The following MYO3B variants were observed in gnomAD, a reference collection of about 807,000 sequenced individuals.
MYO3B encodes the protein myosin IIIB.
Under a neutral mutation model 174.6 loss-of-function variants are expected in MYO3B, and 156 were observed. That is an observed-to-expected ratio of 0.89 (90% CI 0.78 to 1.02). MYO3B has a LOEUF of 1.02. Ranked by LOEUF, MYO3B falls within the 50% of genes least tolerant of loss-of-function variation. MYO3B has a pLI of 0.00. For missense variants in MYO3B, 1,632 were observed against 1,639.4 expected (o/e 1.00, Z 0.08); for synonymous variants, 563 against 569.1 (o/e 0.99, Z 0.15).
chr2:170,548,259 A>G lies in MYO3B; in HGVS notation c.3733+4271A>G, dbSNP rs541416068. Reference sequence around the variant, plus strand: ...CTGGAGGAGAGAATGTGAATGGACTATATGAAGAGTAGAAGTCCCTGTATT... The same window carrying G: ...CTGGAGGAGAGAATGTGAATGGACTGTATGAAGAGTAGAAGTCCCTGTATT... On this transcript the variant is annotated intron_variant, in intron 32 of 34. Transcript: ENST00000408978. Among the ~76,000 whole-genome samples the G allele has an allele frequency of 3.9e-5, 6 of 152,292 alleles. No individual in the cohort carries two copies. In the South Asian group the frequency reaches 1.2e-3, roughly 32 times the overall value.
At chr2:170,360,819 C>T (rs762848400) in intron 8 of MYO3B, among the ~76,000 whole-genome samples, 4 of 152,234 alleles carry the variant, frequency 2.6e-5, no homozygotes, top group South Asian at 2.1e-4. Context: ...CACAGCATTC[C>T]TCTCCTCTGA....
chr2:170,532,743 G>C (rs1689434607), intron 30 of MYO3B, among the ~76,000 whole-genome samples: 1 of 150,844 alleles, frequency 6.6e-6, no homozygotes. Context: ...TTGAACCTGG[G>C]AGGTGGGGGT....
chr2:170,467,957 G>A (rs1684749492), intron 25 of MYO3B, among the ~76,000 whole-genome samples: 1 of 151,274 alleles, frequency 6.6e-6, no homozygotes, highest in Admixed American at 6.6e-5. Context: ...TTTAGCACAT[G>A]AATTTGACTA....
chr2:170,401,802 C>CTTTT (rs769531863), intron 18 of MYO3B, 111 bp downstream of exon 18: 9,607 of 691,658 alleles, frequency 0.014, 7 homozygotes, highest in Middle Eastern at 0.02. Flanking sequence ...CTTTCTTTTT[C>CTTTT]TTTTTTTTTT....
intron 6 of MYO3B, 96 bp from the exon 7 acceptor site, chr2:170,235,895 A>C: frequency 1.3e-6 from 2 of 1,503,128 alleles, no homozygotes. Flanking sequence ...CGTGGCCAAG[A>C]AAACTGAGAA....
chr2:170,519,655 G>A, intron 30 of MYO3B, 115 bp downstream of exon 30: 1 of 922,152 alleles, frequency 1.1e-6, no homozygotes, highest in Non-Finnish European at 1.7e-6. Context: ...GTATTTTGGT[G>A]AACTGGAGAG....
chr2:170,405,815 A>G (rs961640389), intron 21 of MYO3B, among the ~76,000 whole-genome samples, 182 bp downstream of exon 21: 4 of 152,238 alleles, frequency 2.6e-5, no homozygotes, highest in African/African-American at 7.2e-5. Context: ...TGCCCCTGGC[A>G]TAGAAGCAAT....
intron 28 of MYO3B, among the ~76,000 whole-genome samples, chr2:170,507,527 G>A (rs2106104552): frequency 1.3e-5 from 2 of 152,066 alleles, no homozygotes; most frequent in East Asian, 3.9e-4. Flanking sequence ...AGCCTCCCAA[G>A]TAGCTAGGAT....
intron 8 of MYO3B, chr2:170,345,086 T>A (rs976414929): frequency 7.2e-5 from 11 of 152,230 alleles, no homozygotes; most frequent in Non-Finnish European, 1.3e-4. Flanking sequence ...CTCTGCTGCT[T>A]CCACTGTGGC....
chr2:170,289,787 G>T (rs2093583678), intron 7 of MYO3B, among the ~76,000 whole-genome samples: 1 of 151,852 alleles, frequency 6.6e-6, no homozygotes, highest in African/African-American at 2.4e-5. Flanking sequence ...GGTGTCATTA[G>T]GTTGTTTATT....
Position 170,214,492 on chromosome 2 carries a change from A to T in MYO3B, c.426+9A>T. On this transcript the variant is annotated intron_variant, in intron 4 of 34. Transcript: ENST00000408978. ...TGTACGGGGCCCTCTTGGTAAGAAC[A>T]TCTATCAAATGGGGTATGACAGCAG... 6.2e-7 allele frequency: 1 copy of T among 1,611,466 alleles called. No individual in the cohort carries two copies. The highest frequency in any genetic ancestry group is 1.3e-5 in the African/African-American group (1 of 74,980).
chr2:170,248,968 T>C (rs1274885562), intron 7 of MYO3B, among the ~76,000 whole-genome samples: 2 of 152,246 alleles, frequency 1.3e-5, no homozygotes, highest in Non-Finnish European at 2.9e-5. Context: ...CATAGCCATT[T>C]TGAGCTATCA....
rs1343089653 is a variant in MYO3B, at chr2:170,199,330, A to C, written c.125A>C (p.Tyr42Ser). Residue 42 changes from tyrosine (Y) to serine (S), a missense_variant, in exon 2 of 35, where the codon TAC (tyrosine) becomes TCC (serine). Tyr to Ser is a moderately radical substitution (Grantham distance 144). Coordinates refer to ENST00000408978, the MANE Select transcript of MYO3B (RefSeq NM_138995.5). ...GGTAAAGGCACCTATGGCAAAGTCT[A>C]CAAGGTAACTAACAAGAGAGATGGG... ...TIGKGTYGKVYKVTNKRDGSL... is the reference protein window; with the variant it reads ...TIGKGTYGKVSKVTNKRDGSL... 18 of 1,613,436 alleles carry C rather than the reference A, an allele frequency of 1.1e-5. No individual in the cohort carries two copies. Among genetic ancestry groups the C allele is most frequent in the Non-Finnish European group, 1.4e-5 (16 of 1,179,694 alleles).
At chr2:170,546,873 G>A (rs1690527793) in intron 32 of MYO3B, among the ~76,000 whole-genome samples, 1 of 152,084 alleles carries the variant, frequency 6.6e-6, no homozygotes. Context: ...TTGCAGTGAG[G>A]CCTAACTTCG....
At chr2:170,345,900 G>A (rs1484199411) in intron 8 of MYO3B, among the ~76,000 whole-genome samples, 1 of 151,748 alleles carries the variant, frequency 6.6e-6, no homozygotes, top group Non-Finnish European at 1.5e-5. Flanking sequence ...CAGCAGCTAG[G>A]AGAGGGACCT....
intron 32 of MYO3B, chr2:170,602,315 A>G (rs1274835236): frequency 2.9e-6 from 2 of 699,480 alleles, no homozygotes; most frequent in Non-Finnish European, 5.1e-6. Context: ...TGTGGAGCTC[A>G]ATGTACTGCA....
At chr2:170,347,204 C>T (rs569969918) in intron 8 of MYO3B, among the ~76,000 whole-genome samples, 1 of 152,240 alleles carries the variant, frequency 6.6e-6, no homozygotes, top group South Asian at 2.1e-4. Context: ...AGATGTTGTG[C>T]ATCTGACATG....
intron 7 of MYO3B, among the ~76,000 whole-genome samples, chr2:170,280,887 T>C (rs535423942): frequency 6.6e-6 from 1 of 152,292 alleles, no homozygotes; most frequent in East Asian, 1.9e-4. Context: ...AGCCCTGTAG[T>C]ATAGTTTAAA....
intron 7 of MYO3B, among the ~76,000 whole-genome samples, chr2:170,254,774 T>C (rs1465010375): frequency 1.3e-5 from 2 of 152,178 alleles, no homozygotes; most frequent in East Asian, 3.9e-4. Flanking sequence ...TGTGCCAGCA[T>C]GGGAACTGGG....
Sources: allele counts gnomAD v4.1 joint callset (sites outside exome capture counted in the v4.1 genomes callset), GRCh38; gene constraint gnomAD v4.1.1; transcripts MANE v1.5; gene names NCBI Gene and HGNC (gene_info 2026-07-23, HGNC 2026-07-21).